RBP2: variants seen among roughly 807,000 people sequenced by gnomAD.
The protein encoded by RBP2 is retinol binding protein 2, also known as retinol-binding protein 2.
A neutral mutation model predicts 17.0 loss-of-function variants in RBP2; 17 were observed. The ratio of observed to expected loss-of-function variants is 1.00; its 90% CI spans 0.68 to 1.50. The LOEUF is 1.50. RBP2 is among the 40% of genes most tolerant of loss of function. The probability of loss-of-function intolerance (pLI) is 0.00; values close to 1 mark genes in which losing one functional copy is unlikely to be tolerated. For missense variants in RBP2, 158 were observed against 168.2 expected (o/e 0.94, Z 0.33); for synonymous variants, 48 against 57.1 (o/e 0.84, Z 0.72).
intron 2 of RBP2, among the ~76,000 whole-genome samples, chr3:139,457,483 A>C (rs1353120165): frequency 6.6e-6 from 1 of 152,200 alleles, no homozygotes; most frequent in Non-Finnish European, 1.5e-5. Context: ...GGCCTGTCCT[A>C]ATATTTTATT....
At chr3:139,454,695 A>G in intron 3 of RBP2, 34 bp downstream of exon 3, 4 of 1,600,464 alleles carry the variant, frequency 2.5e-6, no homozygotes, top group African/African-American at 1.3e-5. Context: ...GTGTAAGCAC[A>G]ATGGAAGTGA....
In RBP2 at chr3:139,461,726, C is replaced by T. The variant is rs1056222450; in HGVS notation, c.252+386G>A. On this transcript the variant is annotated intron_variant, in intron 2 of 3. Coordinates refer to ENST00000232217, the MANE Select transcript of RBP2 (RefSeq NM_004164.3). ...AAAAAAATCTGGCATCTTCAGGCTT[C>T]GCTCCTCCATGGCAGTGCTTGGCTG... Among the ~76,000 whole-genome samples the T allele has an allele frequency of 1.8e-4, 28 of 152,332 alleles. 1 individual carries two copies. Among genetic ancestry groups the T allele is most frequent in the East Asian group, 7.7e-4 (4 of 5,188 alleles).
chr3:139,454,804 G>A lies in RBP2; in HGVS notation c.279C>T (p.Val93=), dbSNP rs943274529. The part of the protein sequence containing the change: ...VKALVTWEGD[V]LVCVQKGEKE... ...TCTCCCCCTTTTGCACACACACAAG[G>A]ACATCACCTTCCCAGGTGACCAGTG... The change falls in exon 3 of 4, where the codon GTC becomes GTT. Residue 93 remains valine, a synonymous_variant. Transcript: ENST00000232217. 7.4e-6 allele frequency: 12 copies of A among 1,614,036 alleles called. No homozygotes were observed. Among genetic ancestry groups the A allele is most frequent in the Non-Finnish European group, 1.0e-5 (12 of 1,180,030 alleles).
At chr3:139,470,652 A>G (rs1933533085) in intron 1 of RBP2, among the ~76,000 whole-genome samples, 1 of 151,394 alleles carries the variant, frequency 6.6e-6, no homozygotes, top group African/African-American at 2.4e-5. Flanking sequence ...CTCCCAACAC[A>G]CCAGCTTTCT....
At chr3:139,471,154 A>G (rs1427193342) in intron 1 of RBP2, among the ~76,000 whole-genome samples, 2 of 152,056 alleles carry the variant, frequency 1.3e-5, no homozygotes, top group East Asian at 3.9e-4. Context: ...TTCCCACTAT[A>G]TCTCCAATGC....
intron 1 of RBP2, among the ~76,000 whole-genome samples, chr3:139,464,062 T>C (rs1159996278): frequency 6.6e-6 from 1 of 152,202 alleles, no homozygotes; most frequent in Non-Finnish European, 1.5e-5. Flanking sequence ...CTCAGGAAGT[T>C]CCTGTCAGTT....
chr3:139,474,097 A>G (rs939914900), intron 1 of RBP2, among the ~76,000 whole-genome samples: 2 of 152,238 alleles, frequency 1.3e-5, no homozygotes, highest in African/African-American at 4.8e-5. Flanking sequence ...GTGATATTAA[A>G]TTGGAAGTTT....
At chr3:139,454,626 G>T (rs2107864249) in intron 3 of RBP2, 103 bp downstream of exon 3, 1 of 1,057,042 alleles carries the variant, frequency 9.5e-7, no homozygotes, top group Non-Finnish European at 1.5e-6. Context: ...GGAGCTCGGG[G>T]TAGGAGTGCA....
At chr3:139,469,729 CTAT>C (rs1933495289) in intron 1 of RBP2, among the ~76,000 whole-genome samples, 1 of 151,516 alleles carries the variant, frequency 6.6e-6, no homozygotes, top group Non-Finnish European at 1.5e-5. Flanking sequence ...ATCTATCTAT[CTAT>C]CTACCTACTC....
intron 2 of RBP2, among the ~76,000 whole-genome samples, chr3:139,455,968 A>G (rs1932941732): frequency 6.6e-6 from 1 of 151,660 alleles, no homozygotes; most frequent in African/African-American, 2.4e-5. Flanking sequence ...CCCCACTTTT[A>G]CCCCTCCTAA....
chr3:139,462,331 C>A, intron 1 of RBP2, 41 bp from the exon 2 acceptor site: 1 of 1,593,580 alleles, frequency 6.3e-7, no homozygotes, highest in Non-Finnish European at 8.6e-7. Context: ...ATGTGCTCAG[C>A]CAGACTCATT....
In RBP2 at chr3:139,476,451, C is replaced by T. The variant is rs1290815697; in HGVS notation, c.9G>A (p.Arg3=). The T allele has an allele frequency of 6.2e-7, 1 of 1,613,946 alleles. No homozygotes were observed. Among genetic ancestry groups the T allele is most frequent in the Admixed American group, 1.7e-5 (1 of 59,988 alleles). MT[R]DQNGTWEMES... ...CCATCTCCCAGGTTCCATTCTGGTC[C>T]CTTGTCATGGTGGTGGCCACTGGTT... Residue 3 remains arginine, a synonymous_variant, in exon 1 of 4, where the codon AGG becomes AGA. Coordinates refer to ENST00000232217, the MANE Select transcript of RBP2 (RefSeq NM_004164.3).
At position 139,453,117 on chromosome 3, in the gene RBP2, C is replaced by G. The variant is rs1165855523; in HGVS notation, c.404G>C (p.Ter135SerextTer33). The change falls in exon 4 of 4, where the codon TGA (stop) becomes TCA (serine). Residue 135 changes from the stop codon to serine, a stop_lost. Coordinates refer to ENST00000232217, the MANE Select transcript of RBP2 (RefSeq NM_004164.3). ...QVCRQVFKKK[*>S] ...CTTGGCAGGCCTCCCACGTCGCCAT[C>G]ATTTCTTTTTGAACACTTGACGGCA... 1.2e-6 allele frequency: 2 copies of G among 1,614,162 alleles called. No individual in the cohort carries two copies. Among genetic ancestry groups the G allele is most frequent in the East Asian group, 4.5e-5 (2 of 44,876 alleles).
At chr3:139,456,016 C>T (rs1184024403) in intron 2 of RBP2, among the ~76,000 whole-genome samples, 1 of 152,234 alleles carries the variant, frequency 6.6e-6, no homozygotes, top group Admixed American at 6.5e-5. Flanking sequence ...GGTGGTCCTA[C>T]AGGGCCAACC....
intron 2 of RBP2, among the ~76,000 whole-genome samples, chr3:139,461,280 C>T (rs1933178648): frequency 6.6e-6 from 1 of 152,208 alleles, no homozygotes; most frequent in Non-Finnish European, 1.5e-5. Context: ...GGGCAAGAGC[C>T]TGCTTCTTCT....
intron 1 of RBP2, among the ~76,000 whole-genome samples, chr3:139,465,917 T>C (rs376420643): frequency 6.0e-4 from 92 of 152,262 alleles, no homozygotes; most frequent in African/African-American, 1.9e-3. Context: ...GCATGGGGTG[T>C]GGGGAGAGAC....
At chr3:139,461,907 G>A (rs1933202914) in intron 2 of RBP2, among the ~76,000 whole-genome samples, 1 of 152,218 alleles carries the variant, frequency 6.6e-6, no homozygotes, top group East Asian at 1.9e-4. Flanking sequence ...ATCATGGAGA[G>A]GTTGAGCTCT....
At chr3:139,462,361 A>G in intron 1 of RBP2, 71 bp from the exon 2 acceptor site, 3 of 1,467,936 alleles carry the variant, frequency 2.0e-6, no homozygotes, top group South Asian at 2.4e-5. Context: ...AACAAGACCA[A>G]ACATTCAAGA....
intron 1 of RBP2, among the ~76,000 whole-genome samples, chr3:139,467,817 A>G (rs1444200671): frequency 6.6e-6 from 1 of 152,162 alleles, no homozygotes; most frequent in Non-Finnish European, 1.5e-5. Flanking sequence ...CTTGGACTCC[A>G]CAGGAGAAGT....
Sources: allele counts gnomAD v4.1 joint callset (sites outside exome capture counted in the v4.1 genomes callset), GRCh38; gene constraint gnomAD v4.1.1; transcripts MANE v1.5; gene names NCBI Gene and HGNC (gene_info 2026-07-23, HGNC 2026-07-21).